Variants in TCF20 observed in about 807,000 individuals in gnomAD.
TCF20 encodes the protein transcription factor 20, also known as SPRE-binding protein.
Under a neutral mutation model 148.6 loss-of-function variants are expected in TCF20, and 3 were observed. The observed-to-expected ratio is 0.02, with a 90% CI of 0.01 to 0.05. The LOEUF (loss-of-function observed/expected upper bound fraction) is 0.05. Among genes scored for constraint, TCF20 ranks in the 10% least tolerant of loss-of-function variants. TCF20 has a pLI of 1.00. For synonymous variants in TCF20, 1,049 were observed against 909.5 expected (o/e 1.15, Z -2.76); for missense variants, 2,350 against 2,429.3 (o/e 0.97, Z 0.69).
rs772845569 is a variant in TCF20, at chr22:42,213,925, T to A, written c.1381A>T (p.Thr461Ser). The A allele has an allele frequency of 1.2e-4, 200 of 1,613,998 alleles. No homozygotes were observed. The highest frequency in any genetic ancestry group is 1.7e-4 in the Non-Finnish European group (196 of 1,180,022). Residue 461 changes from threonine to serine, a missense_variant, in exon 2 of 6, where the codon ACT (threonine) becomes TCT (serine). Transcript: ENST00000677622. The stretch of plus-strand genomic sequence containing the variant: ...GTGTTAGGAAGATTGGCCACTTGAG[T>A]ACTCAGAGCACTCAAACTACTCAAC... The part of the protein sequence containing the change: ...PGLSSLSALS[T>S]QVANLPNTVQ...
At chr22:42,300,900 C>A (rs935504185) in intron 1 of TCF20, among the ~76,000 whole-genome samples, 6 of 152,198 alleles carry the variant, frequency 3.9e-5, no homozygotes, top group Non-Finnish European at 8.8e-5. Context: ...ATGCATTCAA[C>A]CATTCATTCT....
intron 1 of TCF20, among the ~76,000 whole-genome samples, chr22:42,341,467 G>A (rs768146422): frequency 1.1e-4 from 17 of 152,046 alleles, no homozygotes; most frequent in Non-Finnish European, 1.8e-4. Flanking sequence ...TACCGTCCCA[G>A]CGAATCCAGG....
At chr22:42,166,246 G>T (rs1373938116) in intron 5 of TCF20, among the ~76,000 whole-genome samples, 1 of 152,226 alleles carries the variant, frequency 6.6e-6, no homozygotes. Context: ...GACCTGAGAC[G>T]ACTCTCTTCA....
chr22:42,204,360 T>A (rs1938243286), intron 2 of TCF20, among the ~76,000 whole-genome samples: 1 of 152,122 alleles, frequency 6.6e-6, no homozygotes, highest in South Asian at 2.1e-4. Context: ...CTGGGTGTGG[T>A]GGCACGCACC....
At chr22:42,331,423 C>T (rs147194490) in intron 1 of TCF20, among the ~76,000 whole-genome samples, 78 of 152,356 alleles carry the variant, frequency 5.1e-4, no homozygotes, top group Non-Finnish European at 9.0e-4. Flanking sequence ...CTATAGCCCA[C>T]GAGAGAAAGT....
At chr22:42,162,297 TA>T (rs1280914861) in intron 5 of TCF20, among the ~76,000 whole-genome samples, 1 of 151,948 alleles carries the variant, frequency 6.6e-6, no homozygotes, top group Non-Finnish European at 1.5e-5. Flanking sequence ...TCTTCATGCT[TA>T]AAAAGAACAC....
At position 42,226,573 on chromosome 22, in the gene TCF20, C is replaced by T. The variant is rs187743944; in HGVS notation, c.-36-11232G>A. Among the ~76,000 whole-genome samples the T allele has an allele frequency of 2.7e-3, 404 of 152,096 alleles. 2 individuals are homozygous for T. The highest frequency in any genetic ancestry group is 9.1e-3 in the African/African-American group (378 of 41,478). On this transcript the variant is annotated intron_variant, in intron 1 of 5. Transcript: ENST00000677622. ...TACAAAAACTGGCCACATACGGTGG[C>T]GGAAACCTATAATCCCAGCTACTCA...
In TCF20 at chr22:42,205,914, G is replaced by C. The variant is rs151037034; in HGVS notation, c.5655+3737C>G. 4.0e-3 allele frequency among the ~76,000 whole-genome samples: 616 copies of C among 152,272 alleles called. 4 individuals are homozygous for C. The highest frequency in any genetic ancestry group is 0.014 in the African/African-American group (575 of 41,550). ...AGCCTCCCGAGTAGCTGGGATTACA[G>C]GTGCCTGTCACCATGTCCAGCTAAT... On this transcript the variant is annotated intron_variant, in intron 2 of 5. Coordinates refer to ENST00000677622, the MANE Select transcript of TCF20 (RefSeq NM_001378418.1).
intron 1 of TCF20, among the ~76,000 whole-genome samples, chr22:42,323,722 C>A (rs1243668060): frequency 6.6e-6 from 1 of 151,822 alleles, no homozygotes; most frequent in Non-Finnish European, 1.5e-5. Flanking sequence ...GGCAGAAATG[C>A]AGGAAAAGCC....
chr22:42,215,013 G>C lies in TCF20; in HGVS notation c.293C>G (p.Pro98Arg), dbSNP rs770353191. 6.2e-7 allele frequency: 1 copy of C among 1,614,208 alleles called. No individual in the cohort carries two copies. The highest frequency in any genetic ancestry group is 1.7e-5 in the Admixed American group (1 of 60,028). The change falls in exon 2 of 6, where the codon CCC becomes CGC. Residue 98 changes from proline to arginine, a missense_variant. By Grantham distance (103) the Pro-to-Arg change is moderately radical. Coordinates refer to ENST00000677622, the MANE Select transcript of TCF20 (RefSeq NM_001378418.1). ...AGGCTGTGGGGTTCCTGTAGTCACG[G>C]GGTCTTTGTTGCCTGCCATGTAGTA... is the stretch of plus-strand genomic sequence containing the variant. ...DFYYMAGNKD[P>R]VTTGTPQPPQ... is the part of the protein sequence containing the mutation.
chr22:42,202,574 G>C (rs1938109224), intron 2 of TCF20, among the ~76,000 whole-genome samples: 1 of 152,198 alleles, frequency 6.6e-6, no homozygotes. Context: ...GGACCTTCCG[G>C]GGCAAGTGTT....
chr22:42,340,386 G>T (rs1158984910), intron 1 of TCF20, among the ~76,000 whole-genome samples: 1 of 152,158 alleles, frequency 6.6e-6, no homozygotes, highest in Non-Finnish European at 1.5e-5. Context: ...CCCTTCCCGC[G>T]GTAGCCTGCA....
upstream of TCF20, among the ~76,000 whole-genome samples, chr22:42,275,366 T>C (rs754087439): frequency 5.3e-5 from 8 of 152,038 alleles, no homozygotes; most frequent in Non-Finnish European, 8.8e-5. Flanking sequence ...TCCCCACAGG[T>C]GAGCAGAGAG....
chr22:42,256,472 GTTTT>G (rs59215167), intron 1 of TCF20, among the ~76,000 whole-genome samples: 8 of 139,064 alleles, frequency 5.8e-5, no homozygotes, highest in South Asian at 2.3e-4. Context: ...ATGTAGCAAA[GTTTT>G]TTTTTTTTTT....
At chr22:42,339,927 C>A (rs1928134846) in intron 1 of TCF20, among the ~76,000 whole-genome samples, 2 of 152,192 alleles carry the variant, frequency 1.3e-5, no homozygotes, top group African/African-American at 4.8e-5. Flanking sequence ...GGGTGGGAGA[C>A]AAGAATGGGC....
chr22:42,237,785 G>A (rs754503135), intron 1 of TCF20, among the ~76,000 whole-genome samples: 4 of 152,180 alleles, frequency 2.6e-5, no homozygotes, highest in Non-Finnish European at 5.9e-5. Context: ...CAGGTATACT[G>A]TCAAGAAGTA....
chr22:42,303,418 C>G (rs917791632), intron 1 of TCF20, among the ~76,000 whole-genome samples: 2 of 152,268 alleles, frequency 1.3e-5, no homozygotes, highest in Non-Finnish European at 2.9e-5. Context: ...AGTGGACACT[C>G]CGAGCGTTCG....
chr22:42,215,021 G>C lies in TCF20; in HGVS notation c.285C>G (p.Asn95Lys). The change falls in exon 2 of 6, where the codon AAC becomes AAG. Residue 95 changes from asparagine to lysine, a missense_variant. Asn to Lys is a moderately conservative substitution (Grantham distance 94). This residue lies in a region of TCF20 where 1,641 missense variants were observed against 1,662.6 expected (regional missense o/e 0.99). Coordinates refer to ENST00000677622, the MANE Select transcript of TCF20 (RefSeq NM_001378418.1). ...EAGDFYYMAGNKDPVTTGTPQ... is the reference protein window; with the variant it reads ...EAGDFYYMAGKKDPVTTGTPQ... ...GGGTTCCTGTAGTCACGGGGTCTTT[G>C]TTGCCTGCCATGTAGTAAAAATCTC... is the stretch of plus-strand genomic sequence containing the variant. 1 of 1,614,198 alleles carries C rather than the reference G, an allele frequency of 6.2e-7. No individual in the cohort carries two copies. Among genetic ancestry groups the C allele is most frequent in the Non-Finnish European group, 8.5e-7 (1 of 1,180,044 alleles).
intron 1 of TCF20, among the ~76,000 whole-genome samples, chr22:42,322,707 GGAAT>G (rs1338498980): frequency 4.6e-5 from 7 of 151,616 alleles, no homozygotes; most frequent in Non-Finnish European, 7.4e-5. Context: ...AGTGTCTGAG[GGAAT>G]GAATAAGTGT....
Sources: allele counts gnomAD v4.1 joint callset (sites outside exome capture counted in the v4.1 genomes callset), GRCh38; gene constraint gnomAD v4.1.1; regional missense constraint gnomAD v4.1.1; transcripts MANE v1.5; gene names NCBI Gene and HGNC (gene_info 2026-07-23, HGNC 2026-07-21).